Variants in DOCK7 observed in about 807,000 individuals in gnomAD.
The protein encoded by DOCK7 is dedicator of cytokinesis protein 7.
A neutral mutation model predicts 271.0 loss-of-function variants in DOCK7; 138 were observed. The observed-to-expected ratio is 0.51, with a 90% CI of 0.44 to 0.59. The LOEUF (loss-of-function observed/expected upper bound fraction) is 0.59, where lower values mean the gene tolerates loss of function less well. Among genes scored for constraint, DOCK7 ranks in the 20% least tolerant of loss-of-function variants. DOCK7 has a pLI of 0.00. For synonymous variants in DOCK7, 823 were observed against 876.1 expected, an observed-to-expected ratio of 0.94 and a Z score of 1.07; for missense variants, 2,066 against 2,592.4, an observed-to-expected ratio of 0.80 and a Z score of 4.41.
intron 14 of DOCK7, chr1:62,597,417 G>A: frequency 1.3e-6 from 1 of 756,954 alleles, no homozygotes; most frequent in Non-Finnish European, 2.1e-6. Flanking sequence ...TTACATTCGT[G>A]CAAGTTAACA....
intron 1 of DOCK7, among the ~76,000 whole-genome samples, chr1:62,687,412 T>C (rs1368660706): frequency 6.6e-6 from 1 of 152,204 alleles, no homozygotes; most frequent in Non-Finnish European, 1.5e-5. Flanking sequence ...ATCACTTGCT[T>C]TACTTCAAGA....
At chr1:62,599,852 GCTA>G (rs552995456) in intron 14 of DOCK7, among the ~76,000 whole-genome samples, 2,132 of 151,968 alleles carry the variant, frequency 0.014, 29 homozygotes, top group Non-Finnish European at 0.024. Context: ...TTAGAAAAAA[GCTA>G]TGTCAGAATC....
chr1:62,459,572 T>A (rs1015723270), intron 48 of DOCK7, among the ~76,000 whole-genome samples: 20 of 152,172 alleles, frequency 1.3e-4, no homozygotes, highest in African/African-American at 4.8e-4. Context: ...TTTATATTCA[T>A]TGATATTAAT....
intron 43 of DOCK7, chr1:62,483,338 C>T (rs779153210): frequency 2.0e-5 from 3 of 151,494 alleles, no homozygotes; most frequent in Non-Finnish European, 4.4e-5. Context: ...GCTTTCATAT[C>T]TTTCTTTTTC....
chr1:62,644,460 T>C (rs754432377), intron 7 of DOCK7, among the ~76,000 whole-genome samples: 1 of 152,234 alleles, frequency 6.6e-6, no homozygotes, highest in South Asian at 2.1e-4. Flanking sequence ...TGCCAAGCTC[T>C]TTCCCTTGTA....
At chr1:62,628,678 A>C (rs1654242463) in intron 11 of DOCK7, 1 of 152,154 alleles carries the variant, frequency 6.6e-6, no homozygotes. Context: ...GTGACAAAAG[A>C]AAAAAATAGA....
chr1:62,508,226 C>A (rs755332725), intron 34 of DOCK7, among the ~76,000 whole-genome samples, 168 bp from the exon 35 acceptor site: 1 of 152,122 alleles, frequency 6.6e-6, no homozygotes, highest in South Asian at 2.1e-4. Flanking sequence ...ATTTATGCAG[C>A]TTTTTTGTTA....
At chr1:62,685,248 G>A (rs1485795483) in intron 1 of DOCK7, among the ~76,000 whole-genome samples, 6 of 152,150 alleles carry the variant, frequency 3.9e-5, no homozygotes, top group Non-Finnish European at 7.3e-5. Flanking sequence ...GCAGAAGTGT[G>A]GTCAAGTAAC....
chr1:62,580,369 G>A (rs1049689632), intron 16 of DOCK7, among the ~76,000 whole-genome samples: 1 of 152,022 alleles, frequency 6.6e-6, no homozygotes, highest in African/African-American at 2.4e-5. Context: ...AATCACCACT[G>A]AATTATGAGA....
chr1:62,647,145 A>G (rs1318124260), intron 7 of DOCK7, among the ~76,000 whole-genome samples: 1 of 152,242 alleles, frequency 6.6e-6, no homozygotes, highest in Admixed American at 6.5e-5. Context: ...TTAAGTCAGA[A>G]CAAATAATTA....
chr1:62,556,094 C>G lies in DOCK7; in HGVS notation c.2432-105G>C, dbSNP rs1399681203. 4 of 1,127,032 alleles carry G rather than the reference C, an allele frequency of 3.5e-6. No homozygotes were observed. In the African/African-American group the frequency reaches 4.7e-5, roughly 13 times the overall value. The allele number at this position is 1,127,032 out of a possible 1,614,324, so 69.8% of individuals were successfully genotyped here. A position where few individuals can be genotyped will look rare whatever the true frequency, so the allele number is the denominator to read the frequency against. On this transcript the variant is annotated intron_variant, in intron 20 of 49. Coordinates refer to ENST00000635253, the MANE Select transcript of DOCK7 (RefSeq NM_001367561.1). ...TCTTTGCATACTTTAAGTATAGTGA[C>G]TACACAGTAAGTGTATAAAGATGAT... is the stretch of plus-strand genomic sequence containing the variant.
intron 14 of DOCK7, among the ~76,000 whole-genome samples, chr1:62,592,652 G>A (rs1312873181): frequency 6.6e-6 from 1 of 152,110 alleles, no homozygotes; most frequent in East Asian, 1.9e-4. Flanking sequence ...AGCAAATTAT[G>A]TACATAACCA....
intron 44 of DOCK7, among the ~76,000 whole-genome samples, chr1:62,476,598 T>A (rs929062280): frequency 6.6e-6 from 1 of 152,190 alleles, no homozygotes; most frequent in Non-Finnish European, 1.5e-5. Flanking sequence ...ACTATTTTTT[T>A]AATCCCAGAA....
chr1:62,517,750 T>C (rs1283334954), intron 31 of DOCK7, among the ~76,000 whole-genome samples: 4 of 152,188 alleles, frequency 2.6e-5, no homozygotes, highest in Admixed American at 1.3e-4. Flanking sequence ...TATTTCTTCA[T>C]TGCTAGAAGG....
At chr1:62,623,819 A>G (rs1053734701) in intron 12 of DOCK7, among the ~76,000 whole-genome samples, 1 of 152,082 alleles carries the variant, frequency 6.6e-6, no homozygotes, top group African/African-American at 2.4e-5. Context: ...TTTTCCTGTG[A>G]GTTTCTCAGA....
At chr1:62,555,738 T>A (rs1557710629) in intron 21 of DOCK7, 87 bp downstream of exon 21, 2 of 1,419,648 alleles carry the variant, frequency 1.4e-6, no homozygotes, top group Admixed American at 4.6e-5. Context: ...AATAAATGGA[T>A]CACAGTATGG....
At position 62,615,586 on chromosome 1, in the gene DOCK7, C is replaced by T. The variant is rs575378891; in HGVS notation, c.1682+3120G>A. ...TGATGAAAAACATTAAAGCCTAAAT[C>T]AGTATTCATATTCAATAAAAGTTAA... On this transcript the variant is annotated intron_variant, in intron 14 of 49. Coordinates refer to ENST00000635253, the MANE Select transcript of DOCK7 (RefSeq NM_001367561.1). Among the ~76,000 whole-genome samples, 4 of 151,804 alleles carry T rather than the reference C, an allele frequency of 2.6e-5. 1 individual carries two copies. In the South Asian group the frequency reaches 8.3e-4, roughly 32 times the overall value.
intron 17 of DOCK7, 149 bp downstream of exon 17, chr1:62,578,679 G>A (rs1315679283): frequency 3.6e-5 from 24 of 662,768 alleles, no homozygotes; most frequent in East Asian, 1.3e-4. Context: ...CCAAGATCGC[G>A]CCACTGCACT....
intron 43 of DOCK7, 137 bp downstream of exon 43, chr1:62,487,261 T>A: frequency 1.3e-6 from 1 of 774,258 alleles, no homozygotes; most frequent in Non-Finnish European, 2.1e-6. Context: ...TTAACAAAAT[T>A]TCTTTGGTTA....
Sources: gnomAD v4.1 joint callset for allele counts (sites outside exome capture counted in the v4.1 genomes callset) on GRCh38, gnomAD v4.1.1 for gene constraint, MANE v1.5 for transcripts, NCBI Gene and HGNC (gene_info 2026-07-23, HGNC 2026-07-21) for gene names.